Variants in RSU1 observed in about 807,000 individuals in gnomAD.
RSU1 encodes the protein Ras suppressor protein 1.
Under a neutral mutation model 31.1 loss-of-function variants are expected in RSU1, and 26 were observed. That is an observed-to-expected ratio of 0.84 (90% CI 0.61 to 1.16). The LOEUF (loss-of-function observed/expected upper bound fraction) is 1.16. RSU1 is among the 50% of genes most tolerant of loss of function. The pLI, the probability that RSU1 is intolerant of heterozygous loss-of-function variation, is 0.00. For synonymous variants in RSU1, 164 were observed against 136.3 expected (o/e 1.20, Z -1.41); for missense variants, 320 against 339.1 (o/e 0.94, Z 0.44).
At chr10:16,671,167 A>G (rs1242950569) in intron 8 of RSU1, among the ~76,000 whole-genome samples, 1 of 152,186 alleles carries the variant, frequency 6.6e-6, no homozygotes, top group Non-Finnish European at 1.5e-5. Context: ...TCACAATTGC[A>G]AAGACATGGA....
At chr10:16,632,198 G>C (rs1588684254) in intron 8 of RSU1, among the ~76,000 whole-genome samples, 1 of 152,050 alleles carries the variant, frequency 6.6e-6, no homozygotes, top group South Asian at 2.1e-4. Flanking sequence ...AATATTTTTG[G>C]TCTTCCCTGG....
chr10:16,702,340 C>G (rs750863057), intron 7 of RSU1, among the ~76,000 whole-genome samples: 1 of 152,194 alleles, frequency 6.6e-6, no homozygotes. Flanking sequence ...GGAGGACCAC[C>G]AACCTCTAGA....
intron 7 of RSU1, among the ~76,000 whole-genome samples, chr10:16,730,235 C>G (rs916674382): frequency 6.6e-6 from 1 of 152,170 alleles, no homozygotes; most frequent in Non-Finnish European, 1.5e-5. Context: ...AGGGATCCGC[C>G]CCAATGTCCC....
intron 7 of RSU1, among the ~76,000 whole-genome samples, chr10:16,700,489 G>C (rs1441907865): frequency 6.6e-6 from 1 of 152,064 alleles, no homozygotes; most frequent in Admixed American, 6.5e-5. Context: ...TCCTCACATG[G>C]AAGCTAACCA....
At chr10:16,704,793 T>TA (rs1295475883) in intron 7 of RSU1, among the ~76,000 whole-genome samples, 1 of 152,200 alleles carries the variant, frequency 6.6e-6, no homozygotes, top group Non-Finnish European at 1.5e-5. Context: ...TGGTTATTTT[T>TA]AAAAAAATAA....
At chr10:16,692,083 A>G (rs1224767263) in intron 8 of RSU1, among the ~76,000 whole-genome samples, 1 of 152,172 alleles carries the variant, frequency 6.6e-6, no homozygotes, top group Non-Finnish European at 1.5e-5. Flanking sequence ...ATGTTGACTT[A>G]ACTGCATAAA....
At chr10:16,606,132 C>T (rs1833800506) in intron 8 of RSU1, among the ~76,000 whole-genome samples, 1 of 152,170 alleles carries the variant, frequency 6.6e-6, no homozygotes, top group South Asian at 2.1e-4. Flanking sequence ...GGGAGCCAGG[C>T]CATTGTCCTC....
chr10:16,618,503 T>C (rs1416968533), intron 8 of RSU1, among the ~76,000 whole-genome samples: 2 of 152,160 alleles, frequency 1.3e-5, no homozygotes, highest in Non-Finnish European at 2.9e-5. Context: ...TATAAATCAT[T>C]CTACTATAAA....
At chr10:16,605,010 C>T (rs1052558275) in intron 8 of RSU1, among the ~76,000 whole-genome samples, 7 of 152,278 alleles carry the variant, frequency 4.6e-5, no homozygotes, top group African/African-American at 1.7e-4. Flanking sequence ...AGCCAGCAGA[C>T]AAAGCAGGAG....
At chr10:16,772,416 T>C (rs1837439222) in intron 3 of RSU1, among the ~76,000 whole-genome samples, 1 of 152,060 alleles carries the variant, frequency 6.6e-6, no homozygotes, top group African/African-American at 2.4e-5. Flanking sequence ...GGAACACCAC[T>C]TCTAAATTGC....
intron 1 of RSU1, 88 bp from the exon 2 acceptor site, chr10:16,817,172 T>C: frequency 2.1e-6 from 2 of 954,862 alleles, no homozygotes; most frequent in Non-Finnish European, 3.3e-6. Context: ...CTCTGAGGCT[T>C]CCCCAGGGTT....
At chr10:16,794,861 G>A (rs1021008915) in intron 2 of RSU1, among the ~76,000 whole-genome samples, 1 of 152,110 alleles carries the variant, frequency 6.6e-6, no homozygotes, top group South Asian at 2.1e-4. Context: ...GCAAAGCAAA[G>A]AACGCACAGT....
At chr10:16,812,055 G>C (rs150501541) in intron 2 of RSU1, among the ~76,000 whole-genome samples, 1 of 152,304 alleles carries the variant, frequency 6.6e-6, no homozygotes, top group Non-Finnish European at 1.5e-5. Context: ...TAGCTGGAGC[G>C]AGAAAAACGA....
intron 2 of RSU1, among the ~76,000 whole-genome samples, chr10:16,813,450 T>C (rs979783972): frequency 7.9e-5 from 12 of 152,204 alleles, no homozygotes; most frequent in African/African-American, 2.9e-4. Flanking sequence ...GTCTGAGACA[T>C]ATGGGTCTAT....
At chr10:16,674,018 T>G (rs367559792) in intron 8 of RSU1, among the ~76,000 whole-genome samples, 7 of 152,100 alleles carry the variant, frequency 4.6e-5, no homozygotes, top group Admixed American at 2.6e-4. Flanking sequence ...ATCCTGAGGC[T>G]CTCAGCAGCC....
At chr10:16,772,423 T>C (rs1035427054) in intron 3 of RSU1, among the ~76,000 whole-genome samples, 21 of 152,046 alleles carry the variant, frequency 1.4e-4, no homozygotes, top group African/African-American at 4.8e-4. Context: ...CACTTCTAAA[T>C]TGCACTACAA....
chr10:16,728,184 TG>T (rs1415665124), intron 7 of RSU1, among the ~76,000 whole-genome samples: 4 of 152,068 alleles, frequency 2.6e-5, no homozygotes, highest in African/African-American at 9.7e-5. Context: ...AATGAGCGAG[TG>T]GCCCCTGTCA....
At chr10:16,652,615 AAG>A (rs1476522811) in intron 8 of RSU1, among the ~76,000 whole-genome samples, 1 of 152,184 alleles carries the variant, frequency 6.6e-6, no homozygotes, top group Non-Finnish European at 1.5e-5. Context: ...TCAATTAAAA[AAG>A]AACTCATAAA....
intron 8 of RSU1, among the ~76,000 whole-genome samples, chr10:16,623,545 C>T (rs1273859087): frequency 6.6e-6 from 1 of 152,160 alleles, no homozygotes. Context: ...ATATACCCAC[C>T]AATGGGATTG....
Sources: allele counts gnomAD v4.1 joint callset (sites outside exome capture counted in the v4.1 genomes callset), GRCh38; gene constraint gnomAD v4.1.1; transcripts MANE v1.5; gene names NCBI Gene and HGNC (gene_info 2026-07-23, HGNC 2026-07-21).